Variants in ZCCHC2 observed in about 807,000 individuals in gnomAD.
The protein encoded by ZCCHC2 is zinc finger CCHC domain-containing protein 2.
Under a neutral mutation model 103.6 loss-of-function variants are expected in ZCCHC2, and 39 were observed. The ratio of observed to expected loss-of-function variants is 0.38; its 90% CI spans 0.29 to 0.49. The LOEUF is 0.49. ZCCHC2 is among the 20% of genes least tolerant of loss of function. ZCCHC2 has a pLI of 0.96. For synonymous variants in ZCCHC2, 687 were observed against 608.9 expected (o/e 1.13, Z -1.89); for missense variants, 1,483 against 1,491.0 (o/e 0.99, Z 0.09).
At chr18:62,549,382 C>T (rs927490928) in intron 4 of ZCCHC2, among the ~76,000 whole-genome samples, 1 of 152,210 alleles carries the variant, frequency 6.6e-6, no homozygotes, top group African/African-American at 2.4e-5. Context: ...ATGAGGAATG[C>T]TTTATGCTAC....
At chr18:62,546,155 G>A (rs923294467) in intron 4 of ZCCHC2, among the ~76,000 whole-genome samples, 64 of 152,334 alleles carry the variant, frequency 4.2e-4, no homozygotes, top group African/African-American at 1.5e-3. Flanking sequence ...CACTGCCTGT[G>A]ACATGTCAGC....
intron 5 of ZCCHC2, among the ~76,000 whole-genome samples, chr18:62,554,572 A>T (rs1028733012): frequency 2.1e-4 from 32 of 151,882 alleles, no homozygotes; most frequent in African/African-American, 7.7e-4. Flanking sequence ...CCTTTATCTC[A>T]TTTGTGGTTT....
rs773429849 is a variant in ZCCHC2, at chr18:62,544,890, G to A, written c.1200+17G>A. ...CTACTGAAGGTAAAATATAGATTTT[G>A]TTGTTAAAATGATTTTTATATAATA... On this transcript the variant is annotated intron_variant, in intron 4 of 13. Coordinates refer to ENST00000269499, the MANE Select transcript of ZCCHC2 (RefSeq NM_017742.6). 2.0e-6 allele frequency: 3 copies of A among 1,507,134 alleles called. No individual in the cohort carries two copies. Among genetic ancestry groups the A allele is most frequent in the Non-Finnish European group, 2.7e-6 (3 of 1,131,574 alleles). 93.4% of individuals were successfully genotyped at this position (1,507,134 alleles called of 1,614,324 possible).
intron 1 of ZCCHC2, among the ~76,000 whole-genome samples, chr18:62,534,750 C>G (rs1234086516): frequency 2.0e-5 from 3 of 152,160 alleles, no homozygotes; most frequent in Non-Finnish European, 4.4e-5. Flanking sequence ...ACATGTGAAC[C>G]AAATGCTGTA....
chr18:62,556,438 T>C (rs1915887570), intron 6 of ZCCHC2, 141 bp downstream of exon 6: 1 of 651,216 alleles, frequency 1.5e-6, no homozygotes, highest in Admixed American at 3.1e-5. Context: ...TTTTAATGAG[T>C]TTTTACACTG....
At chr18:62,561,013 T>C (rs1916092352) in intron 8 of ZCCHC2, among the ~76,000 whole-genome samples, 1 of 152,222 alleles carries the variant, frequency 6.6e-6, no homozygotes, top group African/African-American at 2.4e-5. Flanking sequence ...CATCATTTAT[T>C]TCCCCCTAAC....
chr18:62,564,943 C>T (rs1916285389), intron 10 of ZCCHC2, 59 bp from the exon 11 acceptor site: 1 of 1,240,070 alleles, frequency 8.1e-7, no homozygotes, highest in African/African-American at 1.5e-5. Flanking sequence ...CAATACTGTA[C>T]TGAATGTGTT....
intron 11 of ZCCHC2, among the ~76,000 whole-genome samples, chr18:62,566,955 C>G (rs1916392730): frequency 6.6e-6 from 1 of 152,180 alleles, no homozygotes; most frequent in Non-Finnish European, 1.5e-5. Flanking sequence ...AACTTTGTAA[C>G]AGCATCACAA....
At chr18:62,538,081 A>G (rs1404981682) in intron 1 of ZCCHC2, among the ~76,000 whole-genome samples, 1 of 152,124 alleles carries the variant, frequency 6.6e-6, no homozygotes, top group Admixed American at 6.5e-5. Flanking sequence ...TGAGCAATGT[A>G]GAGAAATATT....
At chr18:62,542,614 G>A in intron 3 of ZCCHC2, 40 bp downstream of exon 3, 1 of 1,505,352 alleles carries the variant, frequency 6.6e-7, no homozygotes, top group East Asian at 2.5e-5. Flanking sequence ...CACGTGCTGT[G>A]CTCAATGATC....
At position 62,554,418 on chromosome 18, in the gene ZCCHC2, C is replaced by G. The variant is rs117879020; in HGVS notation, c.1314-1785C>G. On this transcript the variant is annotated intron_variant, in intron 5 of 13. Coordinates refer to ENST00000269499, the MANE Select transcript of ZCCHC2 (RefSeq NM_017742.6). The stretch of plus-strand genomic sequence containing the variant: ...TGGGGTTGGATGATTTCTGTCATGT[C>G]AGAATGTGACCTTGTTTTTCTCACT... Among the ~76,000 whole-genome samples the G allele has an allele frequency of 2.6e-4, 39 of 152,326 alleles. No homozygotes were observed. The East Asian group carries it at 6.9e-3, about 27-fold the overall frequency.
chr18:62,533,224 T>C (rs961840660), intron 1 of ZCCHC2, among the ~76,000 whole-genome samples: 1 of 152,014 alleles, frequency 6.6e-6, no homozygotes, highest in African/African-American at 2.4e-5. Context: ...TTGGAAAATA[T>C]ATAGCTTTGA....
At chr18:62,576,478 A>T in intron 13 of ZCCHC2, 34 bp from the exon 14 acceptor site, 1 of 1,582,788 alleles carries the variant, frequency 6.3e-7, no homozygotes, top group Non-Finnish European at 8.7e-7. Context: ...GTTTGCTTGT[A>T]AGCGGTGACT....
chr18:62,541,556 A>AC lies in ZCCHC2; in HGVS notation c.1052-936dup, dbSNP rs748054532. 8.2e-3 allele frequency among the ~76,000 whole-genome samples: 393 copies of AC among 47,976 alleles called. 5 individuals are homozygous for AC. Among genetic ancestry groups the AC allele is most frequent in the East Asian group, 0.031 (3 of 98 alleles). 31.5% of individuals were successfully genotyped at this position (47,976 alleles called of 152,430 possible). ...CCTGCTCTCCTGAATCCAACAGTGT[A>AC]CCCCCCACACCCATTCTGTTGAGTT... is the stretch of plus-strand genomic sequence containing the variant. On this transcript the variant is annotated intron_variant, in intron 2 of 13. Coordinates refer to ENST00000269499, the MANE Select transcript of ZCCHC2 (RefSeq NM_017742.6).
At chr18:62,531,791 T>TACAAA (rs1914687742) in intron 1 of ZCCHC2, among the ~76,000 whole-genome samples, 1 of 113,482 alleles carries the variant, frequency 8.8e-6, no homozygotes, top group Non-Finnish European at 1.8e-5. Context: ...CTACAAAAAG[T>TACAAA]AAAAAAAAAA....
At chr18:62,551,336 C>T (rs1273610228) in intron 5 of ZCCHC2, 1 of 152,126 alleles carries the variant, frequency 6.6e-6, no homozygotes, top group African/African-American at 2.4e-5. Context: ...ATTGGTCTGT[C>T]CTGTTGTGTG....
In ZCCHC2 at chr18:62,575,257, A is replaced by G. The variant is rs1274203035; in HGVS notation, c.3176A>G (p.Tyr1059Cys). Residue 1059 changes from tyrosine (Y) to cysteine (C), a missense_variant, in exon 13 of 14, where the codon TAC becomes TGC. By Grantham distance (194) the Tyr-to-Cys change is radical. Around this residue, in one of 3 missense-constraint regions of ZCCHC2, gnomAD observed 884 missense variants for 907.5 expected, o/e 0.97. Coordinates refer to ENST00000269499, the MANE Select transcript of ZCCHC2 (RefSeq NM_017742.6). ...FTLPSICNGS[Y>C]LNQAHQSNGN... ...CTGCCATCCATTTGCAATGGCAGCT[A>G]CCTCAACCAAGCACATCAGAGCAAT... is the stretch of plus-strand genomic sequence containing the variant. 1.2e-6 allele frequency: 2 copies of G among 1,613,824 alleles called. No individual in the cohort carries two copies. The highest frequency in any genetic ancestry group is 1.7e-5 in the Admixed American group (1 of 60,004).
Position 62,537,458 on chromosome 18 carries a change from A to C in ZCCHC2, c.940-2223A>C, listed in dbSNP as rs527610145. 2.3e-4 allele frequency among the ~76,000 whole-genome samples: 35 copies of C among 152,310 alleles called. 1 individual carries two copies. In the South Asian group the frequency reaches 5.0e-3, roughly 22 times the overall value. ...AGTGCTGGGATTGCAGGCGTGAGCT[A>C]CCACACCTAGCCACTATTCTACTTT... On this transcript the variant is annotated intron_variant, in intron 1 of 13. Transcript: ENST00000269499.
In ZCCHC2 at chr18:62,574,429, A is replaced by C; in HGVS notation, c.2348A>C (p.Glu783Ala). Residue 783 changes from glutamate (E) to alanine (A), a missense_variant, in exon 13 of 14, where the codon GAA (glutamate) becomes GCA (alanine). This residue lies in a region of ZCCHC2 where 884 missense variants were observed against 907.5 expected (regional missense o/e 0.97). Transcript: ENST00000269499. The stretch of plus-strand genomic sequence containing the variant: ...CCAACAGCTTGCACTGGAGAATCGG[A>C]AAAGCACCTTGAGTTACTGGCTTCC... ...LGPTACTGESEKHLELLASPL... is the reference protein window; with the variant it reads ...LGPTACTGESAKHLELLASPL... The C allele has an allele frequency of 6.2e-7, 1 of 1,614,008 alleles. No homozygotes were observed. The highest frequency in any genetic ancestry group is 8.5e-7 in the Non-Finnish European group (1 of 1,179,896).
Sources: gnomAD v4.1 joint callset for allele counts (sites outside exome capture counted in the v4.1 genomes callset) on GRCh38, gnomAD v4.1.1 for gene constraint, gnomAD v4.1.1 regional missense constraint, MANE v1.5 for transcripts, NCBI Gene and HGNC (gene_info 2026-07-23, HGNC 2026-07-21) for gene names.